VPS13B: variants seen among roughly 807,000 people sequenced by gnomAD.
VPS13B encodes the protein vacuolar protein sorting 13 homolog B, also known as intermembrane lipid transfer protein VPS13B.
VPS13B carries 285 observed loss-of-function variants against 426.4 expected under a neutral mutation model. The ratio of observed to expected loss-of-function variants is 0.67; its 90% CI spans 0.61 to 0.74. The LOEUF (loss-of-function observed/expected upper bound fraction) is 0.74, where lower values mean the gene tolerates loss of function less well. Among genes scored for constraint, VPS13B ranks in the 30% least tolerant of loss-of-function variants. The pLI is 0.00. For missense variants in VPS13B, 4,537 were observed against 4,782.6 expected (o/e 0.95, Z 1.51); for synonymous variants, 1,676 against 1,676.4 (o/e 1.00, Z 0.01).
intron 39 of VPS13B, among the ~76,000 whole-genome samples, chr8:99,741,327 G>A (rs1278483163): frequency 6.6e-6 from 1 of 152,162 alleles, no homozygotes; most frequent in African/African-American, 2.4e-5. Context: ...CATAAAGCAA[G>A]TCCTTAGAGA....
chr8:99,868,182 G>T, intron 58 of VPS13B, 107 bp from the exon 59 acceptor site: 1 of 1,395,762 alleles, frequency 7.2e-7, no homozygotes. Context: ...TTTATAATGA[G>T]GGTGGGGACT....
At chr8:99,790,909 G>C (rs1223968379) in intron 43 of VPS13B, among the ~76,000 whole-genome samples, 4 of 152,092 alleles carry the variant, frequency 2.6e-5, no homozygotes, top group African/African-American at 7.2e-5. Context: ...CTGCAAGAGG[G>C]GGAAGTAGGC....
At chr8:99,740,473 C>T (rs886777855) in intron 39 of VPS13B, among the ~76,000 whole-genome samples, 28 of 152,152 alleles carry the variant, frequency 1.8e-4, no homozygotes, top group Admixed American at 7.2e-4. Flanking sequence ...ATACAGAGAA[C>T]GCCACAAAGA....
chr8:99,350,111 A>G (rs1811795250), intron 19 of VPS13B, among the ~76,000 whole-genome samples: 2 of 152,260 alleles, frequency 1.3e-5, no homozygotes, highest in African/African-American at 4.8e-5. Context: ...ATATGAAGGA[A>G]TTCGTGTAGG....
At chr8:99,620,943 G>A (rs1828319747) in intron 33 of VPS13B, among the ~76,000 whole-genome samples, 1 of 142,744 alleles carries the variant, frequency 7.0e-6, no homozygotes, top group South Asian at 2.2e-4. Context: ...CTGAGACTGT[G>A]CTGCTGCACT....
intron 16 of VPS13B, among the ~76,000 whole-genome samples, chr8:99,171,581 AAT>A (rs1812335698): frequency 6.6e-6 from 1 of 152,044 alleles, no homozygotes; most frequent in Non-Finnish European, 1.5e-5. Context: ...AATACTGTCA[AAT>A]GTTACTTAAA....
At chr8:99,702,834 G>C (rs914904714) in intron 36 of VPS13B, among the ~76,000 whole-genome samples, 1 of 152,044 alleles carries the variant, frequency 6.6e-6, no homozygotes, top group Non-Finnish European at 1.5e-5. Context: ...GGGTAAAACG[G>C]TCCTTTCCAG....
intron 39 of VPS13B, among the ~76,000 whole-genome samples, chr8:99,764,245 A>C (rs557401387): frequency 2.1e-3 from 314 of 152,228 alleles, no homozygotes; most frequent in African/African-American, 7.2e-3. Flanking sequence ...CAAGAGAGGC[A>C]GTGATCAGTT....
intron 39 of VPS13B, among the ~76,000 whole-genome samples, chr8:99,725,211 G>T (rs915064053): frequency 6.6e-6 from 1 of 152,070 alleles, no homozygotes; most frequent in African/African-American, 2.4e-5. Context: ...TCCCCATCTT[G>T]TGTCTCTCCT....
intron 50 of VPS13B, 119 bp downstream of exon 50, chr8:99,821,601 A>G: frequency 8.4e-7 from 1 of 1,192,880 alleles, no homozygotes; most frequent in Non-Finnish European, 1.2e-6. Flanking sequence ...TAAACAATTT[A>G]TAACAGTACA....
At chr8:99,643,184 C>G (rs1422448036) in intron 34 of VPS13B, among the ~76,000 whole-genome samples, 1 of 152,078 alleles carries the variant, frequency 6.6e-6, no homozygotes, top group African/African-American at 2.4e-5. Context: ...AGCAAGGTGA[C>G]AGTATACCCT....
intron 19 of VPS13B, among the ~76,000 whole-genome samples, chr8:99,293,238 C>T (rs1392834690): frequency 3.8e-5 from 5 of 131,626 alleles, no homozygotes; most frequent in Non-Finnish European, 8.0e-5. Context: ...AATAATGCCG[C>T]ATACCTACAA....
intron 21 of VPS13B, among the ~76,000 whole-genome samples, chr8:99,424,036 G>A (rs868762973): frequency 2.6e-5 from 4 of 152,138 alleles, no homozygotes; most frequent in Middle Eastern, 3.4e-3. Context: ...TTATTGTGTG[G>A]GAGTCTAAGT....
chr8:99,823,783 A>G (rs964871512), intron 50 of VPS13B, 49 bp from the exon 51 acceptor site: 1 of 1,580,642 alleles, frequency 6.3e-7, no homozygotes, highest in African/African-American at 1.3e-5. Context: ...AGAGATTTTG[A>G]TATGCCTTAC....
chr8:99,720,357 C>A lies in VPS13B; in HGVS notation c.6670C>A (p.Gln2224Lys). The change falls in exon 38 of 62, where the codon CAA becomes AAA. Residue 2224 changes from glutamine (Q) to lysine (K), a missense_variant. This residue lies in a region of VPS13B where 4,311 missense variants were observed against 4,474.3 expected (regional missense o/e 0.96). Coordinates refer to ENST00000357162, the MANE Select transcript of VPS13B (RefSeq NM_152564.5). ...RGGLLQVFWG[Q>K]EHLNCLVLLH... ...TATGATTTTAAAGGTCTTCTGGGGT[C>A]AAGAACATTTGAATTGTTTAGTTCT... 1.2e-6 allele frequency: 2 copies of A among 1,612,592 alleles called. No individual in the cohort carries two copies. Among genetic ancestry groups the A allele is most frequent in the South Asian group, 2.2e-5 (2 of 90,944 alleles).
rs1810011550 is a variant in VPS13B, at chr8:99,135,210, A to G, written c.1425+73A>G. 47 of 1,584,628 alleles carry G rather than the reference A, an allele frequency of 3.0e-5. 1 individual carries two copies. The South Asian group carries it at 5.1e-4, about 17-fold the overall frequency. On this transcript the variant is annotated intron_variant, in intron 10 of 61. Transcript: ENST00000357162. ...TAAGTGCTTACTGAAGTGTTTAACC[A>G]TATAATATCTGTTAGACTATATATA...
intron 19 of VPS13B, among the ~76,000 whole-genome samples, chr8:99,314,815 A>G (rs1821221049): frequency 6.6e-6 from 1 of 152,180 alleles, no homozygotes; most frequent in Non-Finnish European, 1.5e-5. Context: ...TTGGGTGCAT[A>G]TATGTTTAGA....
chr8:99,471,577 A>G (rs1047044799), intron 24 of VPS13B, among the ~76,000 whole-genome samples: 1 of 152,184 alleles, frequency 6.6e-6, no homozygotes, highest in Non-Finnish European at 1.5e-5. Flanking sequence ...ATATTCAAAG[A>G]AGCCAAAAGA....
At chr8:99,547,064 A>G (rs1454165137) in intron 30 of VPS13B, among the ~76,000 whole-genome samples, 1 of 152,066 alleles carries the variant, frequency 6.6e-6, no homozygotes, top group Non-Finnish European at 1.5e-5. Flanking sequence ...ACATTGTTCA[A>G]AGTTAGAGAG....
Sources: gnomAD v4.1 joint callset for allele counts (sites outside exome capture counted in the v4.1 genomes callset) on GRCh38, gnomAD v4.1.1 for gene constraint, gnomAD v4.1.1 regional missense constraint, MANE v1.5 for transcripts, NCBI Gene and HGNC (gene_info 2026-07-23, HGNC 2026-07-21) for gene names.